Variants in TET1 observed in about 807,000 individuals in gnomAD.
TET1 encodes the protein tet methylcytosine dioxygenase 1.
TET1 carries 13 observed loss-of-function variants against 148.7 expected under a neutral mutation model. That is an observed-to-expected ratio of 0.09 (90% CI 0.06 to 0.14). The LOEUF (loss-of-function observed/expected upper bound fraction) is 0.14. Among genes scored for constraint, TET1 ranks in the 10% least tolerant of loss-of-function variants. TET1 has a pLI of 1.00. For synonymous variants in TET1, 907 were observed against 937.2 expected (o/e 0.97, Z 0.59); for missense variants, 2,182 against 2,553.8 (o/e 0.85, Z 3.14).
At chr10:68,679,685 T>C (rs2055410161) in intron 8 of TET1, among the ~76,000 whole-genome samples, 1 of 152,074 alleles carries the variant, frequency 6.6e-6, no homozygotes. Flanking sequence ...TTTTGTTTTG[T>C]TTTTTTGAGA....
intron 3 of TET1, among the ~76,000 whole-genome samples, chr10:68,606,960 T>C (rs1047190184): frequency 1.3e-5 from 2 of 152,182 alleles, no homozygotes; most frequent in African/African-American, 4.8e-5. Context: ...ATACAGCATT[T>C]TGCCTGGAGA....
At chr10:68,564,768 G>A (rs992057507) in intron 1 of TET1, among the ~76,000 whole-genome samples, 1 of 152,190 alleles carries the variant, frequency 6.6e-6, no homozygotes, top group African/African-American at 2.4e-5. Flanking sequence ...CCAGTGTTTT[G>A]GGAGGCTGAG....
At position 68,644,986 on chromosome 10, in the gene TET1, G is replaced by C. The variant is rs2054817761; in HGVS notation, c.2257G>C (p.Val753Leu). 3 of 1,613,584 alleles carry C rather than the reference G, an allele frequency of 1.9e-6. No individual in the cohort carries two copies. The South Asian group carries it at 3.3e-5, about 18-fold the overall frequency. Residue 753 changes from valine (V) to leucine (L), a missense_variant, in exon 4 of 12, where the codon GTA becomes CTA. Transcript: ENST00000373644. ...KKRTKSPKLFVQTVRNGIKHV... is the reference protein window; with the variant it reads ...KKRTKSPKLFLQTVRNGIKHV... The stretch of plus-strand genomic sequence containing the variant: ...ACGAACCAAATCTCCAAAATTGTTT[G>C]TACAAACCGTAAGAAATGGCATTAA...
At chr10:68,582,441 C>T (rs375009758) in intron 2 of TET1, among the ~76,000 whole-genome samples, 18 of 152,240 alleles carry the variant, frequency 1.2e-4, no homozygotes, top group African/African-American at 2.4e-4. Context: ...TTCATTACCA[C>T]GCTAGCCTCT....
intron 6 of TET1, among the ~76,000 whole-genome samples, chr10:68,666,792 A>G (rs1220705649): frequency 1.3e-5 from 2 of 152,176 alleles, no homozygotes; most frequent in African/African-American, 4.8e-5. Flanking sequence ...CTTTAAAAAA[A>G]CTAAAATATG....
At chr10:68,688,690 A>G (rs67970177) in intron 11 of TET1, among the ~76,000 whole-genome samples, 16,191 of 151,998 alleles carry the variant, frequency 0.11, 1,008 homozygotes, top group South Asian at 0.17. Context: ...TGCCCGCCTC[A>G]GCCTCCCAAA....
At chr10:68,612,764 C>T (rs2054234950) in intron 3 of TET1, among the ~76,000 whole-genome samples, 3 of 151,964 alleles carry the variant, frequency 2.0e-5, no homozygotes, top group African/African-American at 7.3e-5. Context: ...ACTACAGGTA[C>T]ACACCACCAC....
At chr10:68,578,666 A>C (rs2053758856) in intron 2 of TET1, among the ~76,000 whole-genome samples, 2 of 151,986 alleles carry the variant, frequency 1.3e-5, no homozygotes, top group South Asian at 2.1e-4. Context: ...GATTTGGACA[A>C]AGCCACCCAT....
chr10:68,636,536 C>G (rs1427816669), intron 3 of TET1, among the ~76,000 whole-genome samples: 1 of 152,174 alleles, frequency 6.6e-6, no homozygotes, highest in Admixed American at 6.5e-5. Context: ...GCCTGGGCAA[C>G]AGAGTGAGAC....
chr10:68,588,357 A>T (rs768811504), intron 2 of TET1, among the ~76,000 whole-genome samples: 61 of 152,280 alleles, frequency 4.0e-4, no homozygotes, highest in Non-Finnish European at 7.2e-4. Context: ...ATCTTACAAC[A>T]ATCGTATGAA....
chr10:68,600,505 G>A (rs1251704428), intron 2 of TET1, among the ~76,000 whole-genome samples: 2 of 152,210 alleles, frequency 1.3e-5, no homozygotes, highest in African/African-American at 4.8e-5. Flanking sequence ...AGGCTGAGAA[G>A]ATCACTTTGG....
chr10:68,613,319 G>A (rs1228295043), intron 3 of TET1, among the ~76,000 whole-genome samples: 3 of 151,688 alleles, frequency 2.0e-5, no homozygotes, highest in Non-Finnish European at 4.4e-5. Context: ...GTTCCATTTT[G>A]TAAAAAAATC....
At chr10:68,680,603 C>T (rs1027322740) in intron 8 of TET1, among the ~76,000 whole-genome samples, 1 of 152,242 alleles carries the variant, frequency 6.6e-6, no homozygotes, top group Non-Finnish European at 1.5e-5. Flanking sequence ...CCGCCTCGGC[C>T]TCCCAAAATG....
chr10:68,564,310 G>A lies in TET1; in HGVS notation c.-123+3568G>A, dbSNP rs137875577. Among the ~76,000 whole-genome samples the A allele has an allele frequency of 2.8e-3, 421 of 151,664 alleles. 3 individuals carry two copies. Among genetic ancestry groups the A allele is most frequent in the African/African-American group, 9.6e-3 (399 of 41,362 alleles). On this transcript the variant is annotated intron_variant, in intron 1 of 11. Transcript: ENST00000373644. ...ATTACGGGCATGCGCTACCATGCCC[G>A]GCTAATTTTTGTATTTTTGGTAGAG...
intron 7 of TET1, among the ~76,000 whole-genome samples, chr10:68,667,896 T>G (rs2055216164): frequency 1.3e-5 from 2 of 152,142 alleles, no homozygotes; most frequent in Admixed American, 1.3e-4. Flanking sequence ...TGTCATATCA[T>G]TTTGCATTTC....
At chr10:68,622,692 C>A (rs2054394921) in intron 3 of TET1, among the ~76,000 whole-genome samples, 1 of 148,368 alleles carries the variant, frequency 6.7e-6, no homozygotes, top group Non-Finnish European at 1.5e-5. Flanking sequence ...ATGACATTGG[C>A]AGTTTTAAAG....
chr10:68,608,038 C>T (rs2054150739), intron 3 of TET1, among the ~76,000 whole-genome samples: 2 of 151,336 alleles, frequency 1.3e-5, no homozygotes, highest in African/African-American at 4.9e-5. Flanking sequence ...AAGCAGTTCT[C>T]CTGCCTCAGC....
rs140163388 is a variant in TET1 at position 68,675,612 on chromosome 10, C to T, written c.4824+2567C>T. On this transcript the variant is annotated intron_variant, in intron 8 of 11. Coordinates refer to ENST00000373644, the MANE Select transcript of TET1 (RefSeq NM_030625.3). ...TCTGGGTCTCGCTCTGTCATCCAGG[C>T]TGGAGTGCAGTGATGTGATCTCAGC... Among the ~76,000 whole-genome samples, 588 of 145,122 alleles carry T rather than the reference C, an allele frequency of 4.1e-3. 2 individuals carry two copies. The highest frequency in any genetic ancestry group is 0.014 in the African/African-American group (562 of 39,176).
intron 8 of TET1, among the ~76,000 whole-genome samples, chr10:68,673,960 C>CTTTTT (rs869073350): frequency 1.5e-4 from 11 of 72,426 alleles, no homozygotes; most frequent in South Asian, 4.2e-4. Context: ...TTTTCTTTTT[C>CTTTTT]TTTTTTTTTT....
Sources: allele counts gnomAD v4.1 joint callset (sites outside exome capture counted in the v4.1 genomes callset), GRCh38; gene constraint gnomAD v4.1.1; transcripts MANE v1.5; gene names NCBI Gene and HGNC (gene_info 2026-07-23, HGNC 2026-07-21).